Variants in C1orf21 observed in about 807,000 individuals in gnomAD.
C1orf21 encodes chromosome 1 open reading frame 21, also known as uncharacterized protein C1orf21.
A neutral mutation model predicts 18.7 loss-of-function variants in C1orf21; 3 were observed. The observed-to-expected ratio is 0.16, with a 90% CI of 0.07 to 0.42. C1orf21 has a LOEUF of 0.42. Among genes scored for constraint, C1orf21 ranks in the 10% least tolerant of loss-of-function variants. The pLI is 0.99. For synonymous variants in C1orf21, 41 were observed against 46.4 expected (o/e 0.88, Z 0.47); for missense variants, 104 against 143.6 (o/e 0.72, Z 1.41).
chr1:184,453,042 C>G (rs1463264912), intron 1 of C1orf21, among the ~76,000 whole-genome samples: 3 of 152,070 alleles, frequency 2.0e-5, no homozygotes. Context: ...ACATTTCCCT[C>G]CTAAACAGTA....
intron 3 of C1orf21, among the ~76,000 whole-genome samples, chr1:184,524,099 A>G (rs1244549456): frequency 6.6e-6 from 1 of 152,120 alleles, no homozygotes; most frequent in Non-Finnish European, 1.5e-5. Flanking sequence ...GTACTTTTTG[A>G]TTACTATAGT....
intron 3 of C1orf21, among the ~76,000 whole-genome samples, chr1:184,555,236 C>T (rs557033581): frequency 1.3e-5 from 2 of 152,274 alleles, no homozygotes; most frequent in South Asian, 2.1e-4. Context: ...TTATCAGCTG[C>T]GTGGAACCAG....
chr1:184,427,870 A>T (rs1215095985), intron 1 of C1orf21, among the ~76,000 whole-genome samples: 1 of 152,132 alleles, frequency 6.6e-6, no homozygotes, highest in Non-Finnish European at 1.5e-5. Context: ...AGCCATCCTG[A>T]CATTCTTACA....
intron 3 of C1orf21, among the ~76,000 whole-genome samples, chr1:184,525,163 C>T (rs2378888): frequency 0.48 from 72,526 of 151,562 alleles, 18,128 homozygotes; most frequent in African/African-American, 0.64. Flanking sequence ...TAGGGTTAAC[C>T]ATTAAAACCT....
intron 2 of C1orf21, among the ~76,000 whole-genome samples, chr1:184,492,786 AGGTTTGT>A (rs1657834522): frequency 6.6e-6 from 1 of 152,168 alleles, no homozygotes; most frequent in Non-Finnish European, 1.5e-5. Context: ...TTCTGTTTAA[AGGTTTGT>A]GGTAGAAGTC....
chr1:184,554,211 T>C (rs931092185), intron 3 of C1orf21, among the ~76,000 whole-genome samples: 2 of 152,224 alleles, frequency 1.3e-5, no homozygotes, highest in African/African-American at 4.8e-5. Context: ...ATCTTTTCCT[T>C]CCTACCTTGA....
chr1:184,601,537 C>T (rs1659584436), intron 5 of C1orf21, among the ~76,000 whole-genome samples: 1 of 152,138 alleles, frequency 6.6e-6, no homozygotes, highest in South Asian at 2.1e-4. Flanking sequence ...TACCTTTGCA[C>T]CACAGCTGAA....
chr1:184,476,292 C>T (rs996148405), intron 1 of C1orf21, among the ~76,000 whole-genome samples: 2 of 151,968 alleles, frequency 1.3e-5, no homozygotes, highest in African/African-American at 2.4e-5. Flanking sequence ...GGCAGTGGGA[C>T]GTGGGTGCTG....
intron 1 of C1orf21, among the ~76,000 whole-genome samples, chr1:184,463,541 C>G (rs1473610954): frequency 6.6e-6 from 1 of 152,134 alleles, no homozygotes; most frequent in East Asian, 1.9e-4. Flanking sequence ...CTTTTGCTTT[C>G]TAACCAACAT....
intron 3 of C1orf21, among the ~76,000 whole-genome samples, chr1:184,555,280 T>C (rs1346039501): frequency 6.6e-6 from 1 of 152,176 alleles, no homozygotes; most frequent in East Asian, 1.9e-4. Flanking sequence ...CCCTAAGTTA[T>C]TCCTGGGAAA....
intron 1 of C1orf21, among the ~76,000 whole-genome samples, chr1:184,410,656 TATATA>T (rs1397301548): frequency 0.032 from 244 of 7,618 alleles, 47 homozygotes; most frequent in Non-Finnish European, 0.039. Flanking sequence ...TATATATATA[TATATA>T]TATTTTTTTT....
At chr1:184,465,538 G>A (rs1454159517) in intron 1 of C1orf21, among the ~76,000 whole-genome samples, 2 of 152,176 alleles carry the variant, frequency 1.3e-5, no homozygotes, top group African/African-American at 4.8e-5. Context: ...ATTGGAAAAT[G>A]CATGTCTTTT....
At chr1:184,411,970 G>T (rs568667965) in intron 1 of C1orf21, 1 of 152,220 alleles carries the variant, frequency 6.6e-6, no homozygotes, top group African/African-American at 2.4e-5. Flanking sequence ...AAGAGAAACT[G>T]GGATGAAAAG....
At chr1:184,477,941 G>A (rs1233508996) in intron 2 of C1orf21, among the ~76,000 whole-genome samples, 1 of 152,176 alleles carries the variant, frequency 6.6e-6, no homozygotes, top group Non-Finnish European at 1.5e-5. Context: ...TGATTATTGG[G>A]TTATACCGTC....
intron 1 of C1orf21, among the ~76,000 whole-genome samples, chr1:184,449,197 C>CT (rs1657080443): frequency 6.6e-6 from 1 of 151,580 alleles, no homozygotes; most frequent in Non-Finnish European, 1.5e-5. Flanking sequence ...TATCCCTCCC[C>CT]CTTCCCCCCA....
chr1:184,394,701 A>G (rs952469510), intron 1 of C1orf21, among the ~76,000 whole-genome samples: 1 of 152,218 alleles, frequency 6.6e-6, no homozygotes, highest in Non-Finnish European at 1.5e-5. Flanking sequence ...GGGTGACTTC[A>G]GTGGTTCTAT....
At chr1:184,571,950 T>C (rs546097754) in intron 3 of C1orf21, among the ~76,000 whole-genome samples, 32 of 152,302 alleles carry the variant, frequency 2.1e-4, no homozygotes, top group African/African-American at 7.5e-4. Context: ...ATAGTTGTTA[T>C]GAGGATTGAA....
At chr1:184,560,354 TC>T (rs1658946676) in intron 3 of C1orf21, among the ~76,000 whole-genome samples, 1 of 152,126 alleles carries the variant, frequency 6.6e-6, no homozygotes, top group Non-Finnish European at 1.5e-5. Flanking sequence ...CACCGTAAGA[TC>T]TTTGCAAACC....
chr1:184,398,168 G>A (rs1314298767), intron 1 of C1orf21, among the ~76,000 whole-genome samples: 1 of 152,194 alleles, frequency 6.6e-6, no homozygotes, highest in Non-Finnish European at 1.5e-5. Context: ...ATTGACAATA[G>A]TAATAATGAA....
Sources: gnomAD v4.1 joint callset for allele counts (sites outside exome capture counted in the v4.1 genomes callset) on GRCh38, gnomAD v4.1.1 for gene constraint, MANE v1.5 for transcripts, NCBI Gene and HGNC (gene_info 2026-07-23, HGNC 2026-07-21) for gene names.